Variants in RBFOX1 observed in about 807,000 individuals in gnomAD.
RBFOX1 encodes RNA binding fox-1 homolog 1.
RBFOX1 carries 8 observed loss-of-function variants against 57.7 expected under a neutral mutation model. The observed-to-expected ratio is 0.14, with a 90% CI of 0.08 to 0.25. The LOEUF is 0.25. Among genes scored for constraint, RBFOX1 ranks in the 10% least tolerant of loss-of-function variants. The pLI is 1.00. For missense variants in RBFOX1, 611 were observed against 548.5 expected (o/e 1.11, Z -1.14); for synonymous variants, 326 against 222.4 (o/e 1.47, Z -4.15).
intron 4 of RBFOX1, among the ~76,000 whole-genome samples, chr16:7,181,205 C>G (rs555331233): frequency 1.1e-4 from 16 of 152,230 alleles, no homozygotes; most frequent in African/African-American, 3.1e-4. Flanking sequence ...TAGTCACAAT[C>G]TCTCTAGATG....
At chr16:6,794,888 G>T (rs2083656850) in intron 3 of RBFOX1, among the ~76,000 whole-genome samples, 1 of 152,088 alleles carries the variant, frequency 6.6e-6, no homozygotes, top group South Asian at 2.1e-4. Flanking sequence ...ATGGAGGGAA[G>T]GCCTCTGGAT....
intron 4 of RBFOX1, among the ~76,000 whole-genome samples, chr16:5,880,924 T>C (rs1044505139): frequency 4.6e-5 from 7 of 152,248 alleles, no homozygotes. Flanking sequence ...AATTTGGAAG[T>C]AGCGATAAGC....
chr16:6,718,957 G>A (rs1436252847), intron 3 of RBFOX1, among the ~76,000 whole-genome samples: 2 of 151,936 alleles, frequency 1.3e-5, no homozygotes, highest in South Asian at 2.1e-4. Flanking sequence ...CAACCTCCGG[G>A]GCTCAAACAA....
At chr16:6,670,908 G>A (rs2098760407) in intron 3 of RBFOX1, among the ~76,000 whole-genome samples, 2 of 152,176 alleles carry the variant, frequency 1.3e-5, no homozygotes, top group Admixed American at 1.3e-4. Flanking sequence ...GCTGAGGCAG[G>A]AGAGAGGCGT....
At chr16:6,678,055 C>T (rs1436047681) in intron 3 of RBFOX1, among the ~76,000 whole-genome samples, 1 of 152,200 alleles carries the variant, frequency 6.6e-6, no homozygotes, top group Non-Finnish European at 1.5e-5. Context: ...TAATTTTCCT[C>T]ATATAATCTA....
intron 1 of RBFOX1, among the ~76,000 whole-genome samples, chr16:5,427,618 A>ACAAAC (rs918555337): frequency 1.4e-5 from 2 of 138,162 alleles, no homozygotes; most frequent in African/African-American, 5.4e-5. Context: ...ACAAAACAAA[A>ACAAAC]CAAAACAAAT....
intron 4 of RBFOX1, among the ~76,000 whole-genome samples, chr16:7,193,055 A>C (rs2085820187): frequency 2.0e-5 from 3 of 152,210 alleles, no homozygotes; most frequent in Admixed American, 1.3e-4. Flanking sequence ...ACCTGTGAGC[A>C]TGTTGGGTTA....
intron 3 of RBFOX1, among the ~76,000 whole-genome samples, chr16:7,011,615 G>C (rs904516740): frequency 1.3e-5 from 2 of 152,160 alleles, no homozygotes; most frequent in Admixed American, 1.3e-4. Flanking sequence ...CCGGGTTCAC[G>C]CCATTATCCA....
intron 1 of RBFOX1, among the ~76,000 whole-genome samples, chr16:6,146,840 C>A (rs1447983220): frequency 6.6e-6 from 1 of 152,186 alleles, no homozygotes; most frequent in Non-Finnish European, 1.5e-5. Context: ...TCAAGCTCCA[C>A]CTCGTTGCAG....
intron 2 of RBFOX1, among the ~76,000 whole-genome samples, chr16:5,485,278 G>A (rs2069687656): frequency 7.0e-6 from 1 of 143,344 alleles, no homozygotes; most frequent in Non-Finnish European, 1.5e-5. Flanking sequence ...CCCAGGAGGC[G>A]GAGCTTGCAG....
chr16:7,482,064 G>A (rs578251315), intron 4 of RBFOX1, among the ~76,000 whole-genome samples: 2 of 152,344 alleles, frequency 1.3e-5, no homozygotes, highest in South Asian at 2.1e-4. Flanking sequence ...AAATCAAGCC[G>A]TGCAGCGTCC....
chr16:5,347,660 C>G (rs2065170834), intron 1 of RBFOX1, among the ~76,000 whole-genome samples: 1 of 147,466 alleles, frequency 6.8e-6, no homozygotes. Flanking sequence ...ATCTACCCAT[C>G]CACCCACCCT....
At chr16:5,710,996 TGACCC>T (rs1482537579) in intron 3 of RBFOX1, among the ~76,000 whole-genome samples, 1 of 152,234 alleles carries the variant, frequency 6.6e-6, no homozygotes, top group Non-Finnish European at 1.5e-5. Context: ...TTCTTGTGCC[TGACCC>T]TAGGGTAAGT....
intron 3 of RBFOX1, among the ~76,000 whole-genome samples, chr16:5,710,255 G>A (rs1038055193): frequency 1.3e-5 from 2 of 152,124 alleles, no homozygotes; most frequent in African/African-American, 4.8e-5. Flanking sequence ...TGTGGATCAG[G>A]TAACCCAATG....
chr16:7,706,030 G>C (rs551954727), intron 14 of RBFOX1, among the ~76,000 whole-genome samples: 2 of 152,246 alleles, frequency 1.3e-5, no homozygotes, highest in South Asian at 4.2e-4. Context: ...TGGACATCCT[G>C]GGTATTGCTG....
intron 2 of RBFOX1, among the ~76,000 whole-genome samples, chr16:5,472,390 C>A (rs1035616970): frequency 3.3e-5 from 5 of 152,130 alleles, no homozygotes; most frequent in Non-Finnish European, 5.9e-5. Flanking sequence ...TTATTAAACC[C>A]ATTTGCAGCA....
intron 10 of RBFOX1, among the ~76,000 whole-genome samples, chr16:7,616,298 C>T (rs996717537): frequency 6.6e-6 from 1 of 152,216 alleles, no homozygotes; most frequent in Admixed American, 6.5e-5. Flanking sequence ...ACCGTGCAGT[C>T]ACACAGATGT....
At chr16:5,955,285 A>G (rs1241234492) in intron 4 of RBFOX1, among the ~76,000 whole-genome samples, 2 of 23,942 alleles carry the variant, frequency 8.4e-5, no homozygotes, top group East Asian at 2.0e-3. Flanking sequence ...CTGTCTCCCA[A>G]TAAAATAAAA....
At chr16:6,839,267 G>T (rs1681218951) in intron 3 of RBFOX1, among the ~76,000 whole-genome samples, 1 of 152,144 alleles carries the variant, frequency 6.6e-6, no homozygotes, top group African/African-American at 2.4e-5. Context: ...TTACAGGCAA[G>T]AGCCACTGTG....
Sources: allele counts gnomAD v4.1 joint callset (sites outside exome capture counted in the v4.1 genomes callset), GRCh38; gene constraint gnomAD v4.1.1; transcripts MANE v1.5; gene names NCBI Gene and HGNC (gene_info 2026-07-23, HGNC 2026-07-21).